POLR3C: variants seen among roughly 807,000 people sequenced by gnomAD.
POLR3C encodes DNA-directed RNA polymerase III subunit RPC3.
POLR3C carries 44 observed loss-of-function variants against 65.9 expected under a neutral mutation model. The observed-to-expected ratio is 0.67, with a 90% CI of 0.52 to 0.86. The LOEUF (loss-of-function observed/expected upper bound fraction) is 0.86. Ranked by LOEUF, POLR3C falls within the 40% of genes least tolerant of loss-of-function variation. The pLI is 0.00. For synonymous variants in POLR3C, 263 were observed against 231.6 expected, an observed-to-expected ratio of 1.14 and a Z score of -1.23; for missense variants, 576 against 653.2, an observed-to-expected ratio of 0.88 and a Z score of 1.29.
intron 5 of POLR3C, among the ~76,000 whole-genome samples, chr1:145,831,708 T>G (rs1363265310): frequency 6.6e-6 from 1 of 152,012 alleles, no homozygotes; most frequent in Non-Finnish European, 1.5e-5. Flanking sequence ...CTGTGGATAC[T>G]GAGGAAAGGT....
At chr1:145,829,432 A>G (rs1038351005) in intron 5 of POLR3C, among the ~76,000 whole-genome samples, 1 of 152,138 alleles carries the variant, frequency 6.6e-6, no homozygotes, top group Non-Finnish European at 1.5e-5. Context: ...ACCATTTCTC[A>G]TCTTTTCACT....
At chr1:145,827,093 C>G in intron 4 of POLR3C, 88 bp downstream of exon 4, 1 of 1,084,320 alleles carries the variant, frequency 9.2e-7, no homozygotes, top group African/African-American at 1.6e-5. Context: ...ATTGTATTTA[C>G]CAAGTATTTG....
rs587625494 is a variant in POLR3C at position 145,834,568 on chromosome 1, G to A, written c.876+986G>A. ...CATGCGCCTGTGGTCCCAGCTACTC[G>A]GGAGGCTGAGGCAGGAGAATTGCTT... On this transcript the variant is annotated intron_variant, in intron 7 of 14. Coordinates refer to ENST00000334163, the MANE Select transcript of POLR3C (RefSeq NM_006468.8). 3.1e-4 allele frequency among the ~76,000 whole-genome samples: 47 copies of A among 151,570 alleles called. No individual in the cohort carries two copies. The South Asian group carries it at 7.5e-3, about 24-fold the overall frequency.
intron 11 of POLR3C, among the ~76,000 whole-genome samples, chr1:145,839,086 C>G (rs1382419309): frequency 1.3e-5 from 2 of 152,040 alleles, no homozygotes; most frequent in African/African-American, 4.8e-5. Context: ...GCCTGGCCAA[C>G]CTGGTGAAAC....
chr1:145,836,263 G>A (rs1004404022), intron 7 of POLR3C, among the ~76,000 whole-genome samples: 1 of 152,110 alleles, frequency 6.6e-6, no homozygotes, highest in Non-Finnish European at 1.5e-5. Context: ...TGGGATTACA[G>A]GCATGCGCCA....
At chr1:145,835,224 A>G (rs1651707677) in intron 7 of POLR3C, among the ~76,000 whole-genome samples, 1 of 151,452 alleles carries the variant, frequency 6.6e-6, no homozygotes. Context: ...CGAGGCAGGC[A>G]GATCACCTGA....
Position 145,838,223 on chromosome 1 carries a change from G to C in POLR3C, c.1221+17G>C. The C allele has an allele frequency of 6.2e-7, 1 of 1,605,826 alleles. No individual in the cohort carries two copies. ...TCACTCCAGGTAACCAACCAAGGGC[G>C]TAATAATTGCCAACCAGCAAAGCTG... On this transcript the variant is annotated intron_variant, in intron 11 of 14. Transcript: ENST00000334163.
In POLR3C at chr1:145,844,365, CA is replaced by C. The variant is rs1652504694; in HGVS notation, c.*1946del. Among the ~76,000 whole-genome samples, 1 of 152,136 alleles carries C rather than the reference CA, an allele frequency of 6.6e-6. No individual in the cohort carries two copies. On this transcript the variant is annotated 3_prime_UTR_variant, in exon 15 of 15. Transcript: ENST00000334163. ...CAGCAACATGGATGGAATTGGAGGT[CA>C]TTATGTTAAGTAAAATAAACCAAGC...
rs782549504 is a variant in POLR3C, at chr1:145,837,691, T to G, written c.1070+95T>G. On this transcript the variant is annotated intron_variant, in intron 10 of 14. Transcript: ENST00000334163. ...GTAAGCCACCAATATAACCACACCT[T>G]GGCATACTTTTCCCCATTTTTTCAC... The G allele has an allele frequency of 1.5e-5, 13 of 855,674 alleles. No homozygotes were observed. The African/African-American group carries it at 2.2e-4, about 14-fold the overall frequency. 53.0% of individuals were successfully genotyped at this position (855,674 alleles called of 1,614,324 possible). A position where few individuals can be genotyped will look rare whatever the true frequency, so the allele number is the denominator to read the frequency against.
At chr1:145,833,388 T>A (rs1311944383) in intron 6 of POLR3C, 24 bp downstream of exon 6, 1 of 1,550,442 alleles carries the variant, frequency 6.4e-7, no homozygotes, top group African/African-American at 1.4e-5. Context: ...GGGTCTGTCA[T>A]TGGTCATCAG....
intron 8 of POLR3C, 90 bp downstream of exon 8, chr1:145,836,664 A>G (rs1423251666): frequency 2.1e-6 from 2 of 960,594 alleles, no homozygotes; most frequent in Admixed American, 1.7e-5. Context: ...ATCCTCCTGC[A>G]GAGTTATTCT....
At chr1:145,834,005 T>C (rs956320366) in intron 7 of POLR3C, among the ~76,000 whole-genome samples, 1 of 152,200 alleles carries the variant, frequency 6.6e-6, no homozygotes, top group Admixed American at 6.5e-5. Flanking sequence ...AATGTGTCGT[T>C]AGGTGATTTC....
chr1:145,833,066 A>G (rs1482870378), intron 5 of POLR3C, among the ~76,000 whole-genome samples, 194 bp from the exon 6 acceptor site: 1 of 152,170 alleles, frequency 6.6e-6, no homozygotes, highest in African/African-American at 2.4e-5. Flanking sequence ...AGGGAGAGAA[A>G]GATTGGAGAT....
Position 145,833,278 on chromosome 1 carries a change from AT to A in POLR3C, c.700del (p.Tyr234IlefsTer19). On this transcript the variant is annotated frameshift_variant, in exon 6 of 15. Coordinates refer to ENST00000334163, the MANE Select transcript of POLR3C (RefSeq NM_006468.8). LOFTEE classifies it high-confidence loss of function. ...DNKEPIPDDG[I>X]YWQANLDRFH... ...TCCTCAGCCCATTCCAGATGATGGG[AT>A]TTATTGGCAGGCCAACCTTGACAGA... 1 of 1,610,896 alleles carries A rather than the reference AT, an allele frequency of 6.2e-7. No individual in the cohort carries two copies. The highest frequency in any genetic ancestry group is 2.2e-5 in the East Asian group (1 of 44,862).
Position 145,842,562 on chromosome 1 carries a change from A to G in POLR3C, c.*142A>G. The G allele has an allele frequency of 1.5e-6, 1 of 683,852 alleles. No homozygotes were observed. The highest frequency in any genetic ancestry group is 2.6e-6 in the Non-Finnish European group (1 of 378,924). The allele number at this position is 683,852 out of a possible 1,614,324, so 42.4% of individuals were successfully genotyped here. The stretch of plus-strand genomic sequence containing the variant: ...CTCTATCCCCTGCAGCCCAGGATAC[A>G]CCTGAAAGAATTTGGCATATTTAGA... On this transcript the variant is annotated 3_prime_UTR_variant, in exon 15 of 15. Coordinates refer to ENST00000334163, the MANE Select transcript of POLR3C (RefSeq NM_006468.8).
chr1:145,842,633 AC>A lies in POLR3C; in HGVS notation c.*215del, dbSNP rs1652377259. 5.1e-6 allele frequency: 3 copies of A among 590,988 alleles called. No individual in the cohort carries two copies. In the East Asian group the frequency reaches 8.6e-5, roughly 17 times the overall value. 36.6% of individuals were successfully genotyped at this position (590,988 alleles called of 1,614,324 possible). On this transcript the variant is annotated 3_prime_UTR_variant, in exon 15 of 15. Transcript: ENST00000334163. ...TCATCAAATCTTGGCAGTGGGAAGAACCTTAAATCAACAAGGTTAATCATCT... is the reference window on the plus strand; with the variant it reads ...TCATCAAATCTTGGCAGTGGGAAGAACTTAAATCAACAAGGTTAATCATCT...
chr1:145,825,723 T>C, intron 1 of POLR3C, 34 bp from the exon 2 acceptor site: 1 of 1,467,536 alleles, frequency 6.8e-7, no homozygotes, highest in East Asian at 2.3e-5. Context: ...CGTGAAAGAC[T>C]TTCTATTGTA....
chr1:145,841,636 A>C (rs1244614662), intron 14 of POLR3C, among the ~76,000 whole-genome samples: 2 of 152,228 alleles, frequency 1.3e-5, no homozygotes, highest in African/African-American at 4.8e-5. Context: ...TACAAAAACA[A>C]CCAACTTTGG....
intron 5 of POLR3C, among the ~76,000 whole-genome samples, chr1:145,829,964 T>C (rs1651159388): frequency 6.6e-6 from 1 of 152,230 alleles, no homozygotes; most frequent in Non-Finnish European, 1.5e-5. Flanking sequence ...TGTACATGTT[T>C]GTCTAAGAGG....
Sources: gnomAD v4.1 joint callset for allele counts (sites outside exome capture counted in the v4.1 genomes callset) on GRCh38, gnomAD v4.1.1 for gene constraint, MANE v1.5 for transcripts, NCBI Gene and HGNC (gene_info 2026-07-23, HGNC 2026-07-21) for gene names.